The following ZFP1 variants were observed in gnomAD, a reference collection of about 807,000 sequenced individuals.
ZFP1 encodes ZFP1 zinc finger protein.
A neutral mutation model predicts 38.5 loss-of-function variants in ZFP1; 32 were observed. The ratio of observed to expected loss-of-function variants is 0.83; its 90% confidence interval spans 0.63 to 1.12. ZFP1 has a LOEUF of 1.12. ZFP1 is among the 50% of genes most tolerant of loss of function. The probability of loss-of-function intolerance (pLI) is 0.00; values close to 1 mark genes in which losing one functional copy is unlikely to be tolerated. For missense variants in ZFP1, 616 were observed against 480.8 expected (o/e 1.28, Z -2.63); for synonymous variants, 245 against 168.8 (o/e 1.45, Z -3.50).
chr16:75,168,672 G>A (rs2038238679), intron 3 of ZFP1, among the ~76,000 whole-genome samples: 1 of 152,160 alleles, frequency 6.6e-6, no homozygotes, highest in Non-Finnish European at 1.5e-5. Flanking sequence ...TTGGAGCTCT[G>A]CTATCTGGTT....
the ZFP1 span, among the ~76,000 whole-genome samples, chr16:75,131,627 A>C: frequency 2.9e-4 from 44 of 152,154 alleles, no homozygotes; most frequent in African/African-American, 1.1e-3. Context: ...GAATGAGTTT[A>C]TATGTCCACC....
At chr16:75,121,732 G>C in the ZFP1 span, among the ~76,000 whole-genome samples, 1 of 151,886 alleles carries the variant, frequency 6.6e-6, no homozygotes, top group Non-Finnish European at 1.5e-5. Context: ...TAATTAACTG[G>C]CTTAAGAAAA....
At chr16:75,166,110 A>G (rs1323560871) in intron 2 of ZFP1, among the ~76,000 whole-genome samples, 1 of 152,192 alleles carries the variant, frequency 6.6e-6, no homozygotes, top group African/African-American at 2.4e-5. Flanking sequence ...TCTGCCTTAA[A>G]GAGTTAAAAC....
chr16:75,143,278 G>A, the ZFP1 span, among the ~76,000 whole-genome samples: 1 of 152,072 alleles, frequency 6.6e-6, no homozygotes, highest in South Asian at 2.1e-4. Flanking sequence ...TCTCACTCTT[G>A]TTGCCCAGGC....
intron 1 of ZFP1, among the ~76,000 whole-genome samples, chr16:75,151,547 G>C (rs1309191157): frequency 6.6e-6 from 1 of 152,010 alleles, no homozygotes; most frequent in South Asian, 2.1e-4. Flanking sequence ...CTAAAGTTTA[G>C]TGGAACTTTA....
the ZFP1 span, among the ~76,000 whole-genome samples, chr16:75,140,775 C>G: frequency 3.9e-5 from 6 of 152,066 alleles, no homozygotes; most frequent in African/African-American, 1.4e-4. Flanking sequence ...CTGGCTAACG[C>G]GGTGAAACCC....
intron 1 of ZFP1, among the ~76,000 whole-genome samples, chr16:75,149,734 T>G (rs1311205834): frequency 2.0e-5 from 3 of 151,876 alleles, no homozygotes; most frequent in African/African-American, 7.3e-5. Context: ...AGACACAATT[T>G]ATTGATGTAA....
At chr16:75,156,037 CTAAGAAGAAATGAAACCACT>C (rs2037453298) in intron 2 of ZFP1, among the ~76,000 whole-genome samples, 2 of 151,936 alleles carry the variant, frequency 1.3e-5, no homozygotes, top group Non-Finnish European at 2.9e-5. Flanking sequence ...CTAGTGTTAG[CTAAGAAGAAATGAAACCACT>C]CATGTATTGC....
chr16:75,123,223 G>A, the ZFP1 span, among the ~76,000 whole-genome samples: 1 of 151,282 alleles, frequency 6.6e-6, no homozygotes, highest in African/African-American at 2.4e-5. Context: ...GCACAGTGGT[G>A]CATGCCTGTA....
intron 2 of ZFP1, among the ~76,000 whole-genome samples, chr16:75,166,220 A>G (rs1199944472): frequency 6.6e-6 from 1 of 152,090 alleles, no homozygotes; most frequent in African/African-American, 2.4e-5. Flanking sequence ...CTCACAGTAC[A>G]CATCTTGAGA....
the ZFP1 span, among the ~76,000 whole-genome samples, chr16:75,143,427 G>A: frequency 2.0e-5 from 3 of 151,882 alleles, no homozygotes; most frequent in African/African-American, 7.3e-5. Flanking sequence ...TGTGTTTTTA[G>A]TAGAGATGGG....
chr16:75,153,047 A>C (rs2037288159), intron 2 of ZFP1, 81 bp downstream of exon 2: 1 of 1,552,260 alleles, frequency 6.4e-7, no homozygotes, highest in African/African-American at 1.4e-5. Flanking sequence ...GAAATAGAAA[A>C]GTATGAATAA....
chr16:75,165,614 C>T (rs771481594), intron 2 of ZFP1, among the ~76,000 whole-genome samples: 4 of 152,040 alleles, frequency 2.6e-5, no homozygotes, highest in Admixed American at 1.3e-4. Flanking sequence ...AGGTTGGTCC[C>T]GAACACCTGT....
chr16:75,159,507 A>C (rs1187614676), intron 2 of ZFP1, among the ~76,000 whole-genome samples: 1 of 148,270 alleles, frequency 6.7e-6, no homozygotes, highest in Non-Finnish European at 1.5e-5. Context: ...TCCTGGGCTC[A>C]GGCAACCCTC....
chr16:75,152,811 C>T, intron 1 of ZFP1, 98 bp from the exon 2 acceptor site: 1 of 1,125,100 alleles, frequency 8.9e-7, no homozygotes, highest in Non-Finnish European at 1.3e-6. Context: ...GTGGTATTTT[C>T]CCAGGTGGTC....
chr16:75,160,898 G>A (rs996111255), intron 2 of ZFP1, among the ~76,000 whole-genome samples: 2 of 152,050 alleles, frequency 1.3e-5, no homozygotes, highest in African/African-American at 4.8e-5. Flanking sequence ...CACAAGGGGA[G>A]GAGCCTCTAT....
intron 2 of ZFP1, among the ~76,000 whole-genome samples, chr16:75,162,473 T>TAACA (rs2037837139): frequency 6.6e-6 from 1 of 152,210 alleles, no homozygotes. Flanking sequence ...AGTCAGTGCC[T>TAACA]AACATTTTGA....
the ZFP1 span, among the ~76,000 whole-genome samples, chr16:75,139,101 A>G: frequency 0.081 from 12,300 of 152,028 alleles, 1,638 homozygotes; most frequent in African/African-American, 0.28. Context: ...TGGGCGCGGC[A>G]GCTCACGCCT....
At chr16:75,132,655 T>TTC in the ZFP1 span, 2 of 143,960 alleles carry the variant, frequency 1.4e-5, no homozygotes, top group East Asian at 2.0e-4. Flanking sequence ...TTCATTTCTT[T>TTC]TTTTTTTTTT....
Sources: gnomAD v4.1 joint callset for allele counts (sites outside exome capture counted in the v4.1 genomes callset) on GRCh38, gnomAD v4.1.1 for gene constraint, MANE v1.5 for transcripts, NCBI Gene and HGNC (gene_info 2026-07-23, HGNC 2026-07-21) for gene names.